MEF2A: variants seen among roughly 807,000 people sequenced by gnomAD.
MEF2A encodes the protein myocyte enhancer factor 2A.
Under a neutral mutation model 55.8 loss-of-function variants are expected in MEF2A, and 28 were observed. That is an observed-to-expected ratio of 0.50 (90% CI 0.37 to 0.69). The LOEUF is 0.69. Ranked by LOEUF, MEF2A falls within the 30% of genes least tolerant of loss-of-function variation. The pLI is 0.00. For synonymous variants in MEF2A, 239 were observed against 227.1 expected (o/e 1.05, Z -0.47); for missense variants, 528 against 626.2 (o/e 0.84, Z 1.67).
At chr15:99,569,235 C>G (rs1477809465) in intron 1 of MEF2A, among the ~76,000 whole-genome samples, 1 of 152,136 alleles carries the variant, frequency 6.6e-6, no homozygotes, top group Non-Finnish European at 1.5e-5. Flanking sequence ...AATGAGATAG[C>G]GAGTGTAAAA....
At chr15:99,573,018 G>T (rs1042474731) in intron 1 of MEF2A, among the ~76,000 whole-genome samples, 1 of 152,168 alleles carries the variant, frequency 6.6e-6, no homozygotes, top group African/African-American at 2.4e-5. Context: ...GCCGGGCGCG[G>T]TGGCTCACGC....
At position 99,577,629 on chromosome 15, in the gene MEF2A, C is replaced by G. The variant is rs1445339596; in HGVS notation, c.-225+11525C>G. ...ACTGGTATGATACTGTTTACCTTTT[C>G]ACTATGAAAACCTTCTTTTGAATTT... On this transcript the variant is annotated intron_variant, in intron 1 of 11. Coordinates refer to ENST00000557942, the MANE Select transcript of MEF2A (RefSeq NM_001319206.4). Among the ~76,000 whole-genome samples, 11 of 152,188 alleles carry G rather than the reference C, an allele frequency of 7.2e-5. No individual in the cohort carries two copies. In the East Asian group the frequency reaches 7.7e-4, roughly 11 times the overall value.
chr15:99,592,991 A>G (rs1969866113), intron 1 of MEF2A, among the ~76,000 whole-genome samples: 1 of 152,192 alleles, frequency 6.6e-6, no homozygotes, highest in African/African-American at 2.4e-5. Context: ...TGATAATATT[A>G]TGAGTGTATT....
At chr15:99,572,680 A>T (rs1962831057) in intron 1 of MEF2A, among the ~76,000 whole-genome samples, 1 of 152,158 alleles carries the variant, frequency 6.6e-6, no homozygotes, top group Non-Finnish European at 1.5e-5. Flanking sequence ...AGTTATAGTT[A>T]TTGAACTACT....
At chr15:99,583,147 A>G (rs1966425345) in intron 1 of MEF2A, among the ~76,000 whole-genome samples, 1 of 152,084 alleles carries the variant, frequency 6.6e-6, no homozygotes, top group South Asian at 2.1e-4. Context: ...CCGTTAGTTC[A>G]GGTGCTTTTT....
In MEF2A at chr15:99,566,080, G is replaced by C. The variant is rs1307350557; in HGVS notation, c.-249G>C. ...CGGGCCCGGGCTGCGGCGTGTGCGCGCCCGCCAGCTGCTCCGGAGATACGG... is the reference window on the plus strand; with the variant it reads ...CGGGCCCGGGCTGCGGCGTGTGCGCCCCCGCCAGCTGCTCCGGAGATACGG... On this transcript the variant is annotated 5_prime_UTR_variant, in exon 1 of 12. Transcript: ENST00000557942. 1 of 152,214 alleles carries C rather than the reference G, an allele frequency of 6.6e-6. No individual in the cohort carries two copies. Among genetic ancestry groups the C allele is most frequent in the African/African-American group, 2.4e-5 (1 of 41,378 alleles). 9.4% of individuals were successfully genotyped at this position (152,214 alleles called of 1,614,324 possible). A position where few individuals can be genotyped will look rare whatever the true frequency, so the allele number is the denominator to read the frequency against.
chr15:99,627,713 A>G (rs2042273050), intron 2 of MEF2A, among the ~76,000 whole-genome samples: 1 of 152,240 alleles, frequency 6.6e-6, no homozygotes, highest in East Asian at 1.9e-4. Flanking sequence ...GCTAGACATT[A>G]CAATATTAGA....
At chr15:99,711,167 C>T (rs558030679) in intron 11 of MEF2A, among the ~76,000 whole-genome samples, 1 of 152,236 alleles carries the variant, frequency 6.6e-6, no homozygotes, top group African/African-American at 2.4e-5. Flanking sequence ...AGCCTGTAGG[C>T]ATTCAGGCCT....
At chr15:99,569,784 T>A (rs1961316544) in intron 1 of MEF2A, among the ~76,000 whole-genome samples, 1 of 152,152 alleles carries the variant, frequency 6.6e-6, no homozygotes, top group Non-Finnish European at 1.5e-5. Flanking sequence ...GTTATTTTAA[T>A]ATTTTAAAGT....
chr15:99,653,295 A>G (rs1199187702), intron 4 of MEF2A, among the ~76,000 whole-genome samples: 2 of 152,198 alleles, frequency 1.3e-5, no homozygotes, highest in Non-Finnish European at 2.9e-5. Context: ...AATTAAAGAG[A>G]CAGCTGTATA....
At chr15:99,586,932 A>G (rs1224469915) in intron 1 of MEF2A, among the ~76,000 whole-genome samples, 1 of 152,184 alleles carries the variant, frequency 6.6e-6, no homozygotes, top group African/African-American at 2.4e-5. Flanking sequence ...TGAAGATCAA[A>G]TGACCGTATT....
intron 4 of MEF2A, among the ~76,000 whole-genome samples, chr15:99,661,983 G>A (rs919087361): frequency 2.0e-5 from 3 of 151,806 alleles, no homozygotes; most frequent in Admixed American, 6.6e-5. Flanking sequence ...ACTCTATGGC[G>A]GAATCTCATA....
chr15:99,609,120 G>A (rs1567218711), intron 2 of MEF2A, among the ~76,000 whole-genome samples: 1 of 152,140 alleles, frequency 6.6e-6, no homozygotes, highest in Non-Finnish European at 1.5e-5. Context: ...AAGACAAGTT[G>A]GCTTTCAGAC....
At chr15:99,710,842 G>C in intron 11 of MEF2A, 82 bp downstream of exon 11, 1 of 1,468,278 alleles carries the variant, frequency 6.8e-7, no homozygotes, top group Non-Finnish European at 9.2e-7. Context: ...CTTTTGCTCT[G>C]TTGAGTTTCG....
In MEF2A at chr15:99,706,796, C is replaced by A. The variant is rs755127907; in HGVS notation, c.950C>A (p.Thr317Asn). ...GCTACCCCAGTCGTGTCTGTGACAA[C>A]CCCAAGCTTGCCTCCGCAAGGACTT... ...PLATPVVSVT[T>N]PSLPPQGLVY... Residue 317 changes from threonine (T) to asparagine (N), a missense_variant, in exon 10 of 12, where the codon ACC (threonine) becomes AAC (asparagine). Thr to Asn is a moderately conservative substitution (Grantham distance 65). This residue lies in a region of MEF2A where 450 missense variants were observed against 475.3 expected (regional missense o/e 0.95). Transcript: ENST00000557942. The A allele has an allele frequency of 1.7e-5, 27 of 1,613,876 alleles. No individual in the cohort carries two copies. Among genetic ancestry groups the A allele is most frequent in the Non-Finnish European group, 6.8e-6 (8 of 1,179,884 alleles).
chr15:99,584,062 C>T (rs998328689), intron 1 of MEF2A, among the ~76,000 whole-genome samples: 1 of 151,844 alleles, frequency 6.6e-6, no homozygotes, highest in South Asian at 2.1e-4. Flanking sequence ...CATAGTAGTG[C>T]GTATTCGTGT....
chr15:99,594,653 A>C (rs1004914465), intron 1 of MEF2A, among the ~76,000 whole-genome samples: 1 of 151,986 alleles, frequency 6.6e-6, no homozygotes, highest in Non-Finnish European at 1.5e-5. Context: ...GAAGCTACCT[A>C]GGGCCCCCTA....
intron 1 of MEF2A, among the ~76,000 whole-genome samples, chr15:99,597,729 TTC>T (rs1467438487): frequency 2.6e-5 from 4 of 152,140 alleles, no homozygotes; most frequent in Non-Finnish European, 5.9e-5. Flanking sequence ...GCTTTAAAAT[TTC>T]TCTCTTTTGT....
In MEF2A at chr15:99,690,435, T is replaced by C. The variant is rs746034733; in HGVS notation, c.858+7T>C. ...GGGCATGATGCCTCCACTAGTAAGT[T>C]GAACCTTTCTTCAACTTCATTCTTT... is the stretch of plus-strand genomic sequence containing the variant. On this transcript the variant is annotated splice_region_variant and intron_variant, in intron 8 of 11. Coordinates refer to ENST00000557942, the MANE Select transcript of MEF2A (RefSeq NM_001319206.4). 1.9e-6 allele frequency: 3 copies of C among 1,580,014 alleles called. No individual in the cohort carries two copies. The East Asian group carries it at 6.7e-5, about 36-fold the overall frequency.
Sources: allele counts gnomAD v4.1 joint callset (sites outside exome capture counted in the v4.1 genomes callset), GRCh38; gene constraint gnomAD v4.1.1; regional missense constraint gnomAD v4.1.1; transcripts MANE v1.5; gene names NCBI Gene and HGNC (gene_info 2026-07-23, HGNC 2026-07-21).